ERGIC1: variants seen among roughly 807,000 people sequenced by gnomAD.
ERGIC1 encodes endoplasmic reticulum-Golgi intermediate compartment protein 1.
A neutral mutation model predicts 38.3 loss-of-function variants in ERGIC1; 19 were observed. That is an observed-to-expected ratio of 0.50 (90% CI 0.35 to 0.73). The LOEUF (loss-of-function observed/expected upper bound fraction) is 0.73, where lower values mean the gene tolerates loss of function less well. Among genes scored for constraint, ERGIC1 ranks in the 30% least tolerant of loss-of-function variants. The pLI is 0.01. For synonymous variants in ERGIC1, 124 were observed against 157.6 expected (o/e 0.79, Z 1.60); for missense variants, 294 against 389.2 (o/e 0.76, Z 2.06).
intron 2 of ERGIC1, among the ~76,000 whole-genome samples, chr5:172,894,496 C>T (rs34542562): frequency 0.099 from 14,990 of 151,978 alleles, 1,103 homozygotes; most frequent in Non-Finnish European, 0.13. Flanking sequence ...GCCTGGCCAA[C>T]TTTTTCAAAG....
intron 3 of ERGIC1, among the ~76,000 whole-genome samples, 194 bp from the exon 4 acceptor site, chr5:172,909,473 C>G (rs1200469822): frequency 2.0e-5 from 3 of 152,124 alleles, no homozygotes; most frequent in Admixed American, 6.6e-5. Flanking sequence ...CCCTCCCGTC[C>G]TGAGAGGTAA....
intron 9 of ERGIC1, 67 bp from the exon 10 acceptor site, chr5:172,950,642 G>A: frequency 1.4e-6 from 2 of 1,408,546 alleles, no homozygotes; most frequent in Admixed American, 1.8e-5. Flanking sequence ...ATGTGGGAGG[G>A]GTCTGGCCTG....
chr5:172,896,931 C>T (rs971906771), intron 2 of ERGIC1, 71 bp from the exon 3 acceptor site: 1 of 1,431,160 alleles, frequency 7.0e-7, no homozygotes, highest in African/African-American at 1.4e-5. Context: ...CTTTCCTCTT[C>T]CCTCTAGGCT....
chr5:172,926,839 T>C lies in ERGIC1; in HGVS notation c.541+270T>C. ...TACCAGCTATTACCATTATTGTTGC[T>C]CTCATCACAGCCACATCATCATCCT... On this transcript the variant is annotated intron_variant, in intron 7 of 9. Coordinates refer to ENST00000393784, the MANE Select transcript of ERGIC1 (RefSeq NM_001031711.3). This position sits in a 1 kb window ranked among gnomAD's most constrained non-coding sequence, Gnocchi z 5.2. 2.0e-6 allele frequency: 1 copy of C among 489,696 alleles called. No individual in the cohort carries two copies. 30.3% of individuals were successfully genotyped at this position (489,696 alleles called of 1,614,324 possible).
chr5:172,915,084 A>C, intron 5 of ERGIC1: 1 of 716,368 alleles, frequency 1.4e-6, no homozygotes, highest in East Asian at 2.7e-5. Flanking sequence ...AGTGAGGGGG[A>C]CAATGATGAG....
chr5:172,918,842 T>C (rs951668019), intron 5 of ERGIC1, among the ~76,000 whole-genome samples: 2 of 152,198 alleles, frequency 1.3e-5, no homozygotes, highest in Admixed American at 6.5e-5. Context: ...CCTCATCCTC[T>C]TGGGGAACCA....
intron 1 of ERGIC1, among the ~76,000 whole-genome samples, chr5:172,865,217 GC>G (rs1355972431): frequency 4.6e-5 from 7 of 152,056 alleles, no homozygotes; most frequent in African/African-American, 1.7e-4. Flanking sequence ...ACTATGCCTG[GC>G]TAATATTTTG....
chr5:172,935,324 G>C lies in ERGIC1; in HGVS notation c.765+14G>C, dbSNP rs1209699695. On this transcript the variant is annotated intron_variant, in intron 9 of 9. Transcript: ENST00000393784. The stretch of plus-strand genomic sequence containing the variant: ...TTCATCACCACGGTGAGTGGCCTGG[G>C]GCAGTGGGTGGGGCCCTGAGCCAGC... The C allele has an allele frequency of 2.5e-6, 4 of 1,613,820 alleles. No homozygotes were observed. In the Admixed American group the frequency reaches 5.0e-5, roughly 20 times the overall value.
chr5:172,937,847 A>T (rs534704225), intron 9 of ERGIC1: 3 of 150,646 alleles, frequency 2.0e-5, no homozygotes, highest in South Asian at 2.1e-4. Context: ...AAAATACAAA[A>T]ATTAGCGGGG....
chr5:172,859,345 G>T (rs1761638202), intron 1 of ERGIC1, among the ~76,000 whole-genome samples: 1 of 152,132 alleles, frequency 6.6e-6, no homozygotes, highest in Non-Finnish European at 1.5e-5. Context: ...GAACCTTTGA[G>T]CTCCGTGTGA....
chr5:172,850,954 C>T (rs1401972883), intron 1 of ERGIC1, among the ~76,000 whole-genome samples: 1 of 151,986 alleles, frequency 6.6e-6, no homozygotes, highest in Non-Finnish European at 1.5e-5. Flanking sequence ...AATCCCAGCA[C>T]TTTGGGAGGC....
intron 8 of ERGIC1, chr5:172,932,767 T>C (rs992729582): frequency 3.6e-6 from 2 of 549,698 alleles, no homozygotes; most frequent in Admixed American, 3.1e-5. Flanking sequence ...AGATAGGGTG[T>C]GATGCGTTTG....
chr5:172,890,201 C>T (rs1484685980), intron 2 of ERGIC1, among the ~76,000 whole-genome samples: 2 of 152,166 alleles, frequency 1.3e-5, no homozygotes, highest in African/African-American at 4.8e-5. Context: ...ACCAAAAAAC[C>T]ACAGTTCAGT....
intron 3 of ERGIC1, among the ~76,000 whole-genome samples, chr5:172,901,555 T>A (rs916921972): frequency 6.6e-6 from 1 of 152,234 alleles, no homozygotes; most frequent in African/African-American, 2.4e-5. Context: ...CATGGATTTA[T>A]AGTGTGCATG....
At chr5:172,880,284 G>C (rs921683867) in intron 1 of ERGIC1, among the ~76,000 whole-genome samples, 5 of 151,826 alleles carry the variant, frequency 3.3e-5, no homozygotes, top group Non-Finnish European at 7.4e-5. Context: ...TGATCTGCCC[G>C]CTCTGGGGCT....
chr5:172,928,366 G>T (rs1173888295), intron 7 of ERGIC1, among the ~76,000 whole-genome samples: 1 of 152,204 alleles, frequency 6.6e-6, no homozygotes, highest in African/African-American at 2.4e-5. Flanking sequence ...TCAGTCCCTG[G>T]CACTGGGCCG....
At chr5:172,907,473 G>A (rs1359137029) in intron 3 of ERGIC1, among the ~76,000 whole-genome samples, 1 of 152,050 alleles carries the variant, frequency 6.6e-6, no homozygotes, top group Non-Finnish European at 1.5e-5. Flanking sequence ...GAGGAGAATC[G>A]CTTGAACCCG....
intron 3 of ERGIC1, among the ~76,000 whole-genome samples, chr5:172,900,770 C>A (rs182084025): frequency 6.6e-6 from 1 of 152,028 alleles, no homozygotes; most frequent in East Asian, 1.9e-4. Flanking sequence ...TGAGTCCAAC[C>A]CTGTGCTAAG....
At chr5:172,883,710 A>G (rs1342903977) in intron 1 of ERGIC1, among the ~76,000 whole-genome samples, 1 of 152,216 alleles carries the variant, frequency 6.6e-6, no homozygotes, top group Non-Finnish European at 1.5e-5. Flanking sequence ...GGCCAGGCAC[A>G]GTGGCTCATG....
Sources: gnomAD v4.1 joint callset for allele counts (sites outside exome capture counted in the v4.1 genomes callset) on GRCh38, gnomAD v4.1.1 for gene constraint, Gnocchi (gnomAD v3.1) non-coding constraint, MANE v1.5 for transcripts, NCBI Gene and HGNC (gene_info 2026-07-23, HGNC 2026-07-21) for gene names.